Variants in NEK10 observed in about 807,000 individuals in gnomAD.
NEK10 encodes NIMA related kinase 10.
Under a neutral mutation model 159.8 loss-of-function variants are expected in NEK10, and 122 were observed. The observed-to-expected ratio is 0.76, with a 90% CI of 0.66 to 0.89. The LOEUF (loss-of-function observed/expected upper bound fraction) is 0.89, where lower values mean the gene tolerates loss of function less well. Among genes scored for constraint, NEK10 ranks in the 40% least tolerant of loss-of-function variants. NEK10 has a pLI of 0.00. For missense variants in NEK10, 1,342 were observed against 1,323.1 expected (o/e 1.01, Z -0.22); for synonymous variants, 466 against 457.1 (o/e 1.02, Z -0.25).
intron 25 of NEK10, among the ~76,000 whole-genome samples, chr3:27,195,193 G>C (rs945854832): frequency 3.3e-5 from 5 of 152,276 alleles, no homozygotes; most frequent in Admixed American, 3.3e-4. Context: ...TCTGTCAAGA[G>C]CTGTCTTCTA....
intron 26 of NEK10, among the ~76,000 whole-genome samples, chr3:27,185,749 T>C (rs1253829753): frequency 6.6e-6 from 1 of 152,174 alleles, no homozygotes; most frequent in Non-Finnish European, 1.5e-5. Context: ...AAACAACAAT[T>C]ATACCACCCC....
At chr3:27,244,539 C>A (rs1954871321) in intron 23 of NEK10, among the ~76,000 whole-genome samples, 1 of 152,148 alleles carries the variant, frequency 6.6e-6, no homozygotes, top group Admixed American at 6.5e-5. Flanking sequence ...GAAGAGGTTT[C>A]CTGCAATTTC....
chr3:27,223,263 C>T (rs776072151), intron 23 of NEK10, among the ~76,000 whole-genome samples: 3 of 152,136 alleles, frequency 2.0e-5, no homozygotes, highest in Non-Finnish European at 4.4e-5. Flanking sequence ...AAACAAGGAT[C>T]GTCAAGTCTC....
In NEK10 at chr3:27,312,181, C is replaced by A; in HGVS notation, c.490-4G>T. ...CATTGGCTACAATCTCCATATACTGCATGAAGGACCAAACCAACAAGCCAG... is the reference window on the plus strand; with the variant it reads ...CATTGGCTACAATCTCCATATACTGAATGAAGGACCAAACCAACAAGCCAG... On this transcript the variant is annotated splice_region_variant and splice_polypyrimidine_tract_variant and intron_variant, in intron 7 of 35. Transcript: ENST00000691995. 6.3e-7 allele frequency: 1 copy of A among 1,581,536 alleles called. No homozygotes were observed.
chr3:27,174,730 G>T lies in NEK10; in HGVS notation c.2609C>A (p.Ala870Asp). The change falls in exon 27 of 36, where the codon GCC (alanine) becomes GAC (aspartate). Residue 870 changes from alanine (A) to aspartate (D), a missense_variant. By Grantham distance (126) the Ala-to-Asp change is moderately radical. Transcript: ENST00000691995. ...SADLPPEGFQASYGKDEDRAC... is the reference protein window; with the variant it reads ...SADLPPEGFQDSYGKDEDRAC... ...CCTGTCTTCGTCTTTACCATAGGAG[G>T]CCTGGAAGCCTTCAGGGGGCAGGTC... is the stretch of plus-strand genomic sequence containing the variant. 9 of 1,613,678 alleles carry T rather than the reference G, an allele frequency of 5.6e-6. No individual in the cohort carries two copies. The highest frequency in any genetic ancestry group is 7.6e-6 in the Non-Finnish European group (9 of 1,179,814).
intron 30 of NEK10, among the ~76,000 whole-genome samples, chr3:27,144,261 C>T (rs918656321): frequency 6.6e-6 from 1 of 152,200 alleles, no homozygotes; most frequent in African/African-American, 2.4e-5. Context: ...AGCCCATTCT[C>T]TGTAACCGCT....
Position 27,322,258 on chromosome 3 carries a change from C to G in NEK10, c.366G>C (p.Glu122Asp). The G allele has an allele frequency of 6.5e-7, 1 of 1,533,698 alleles. No individual in the cohort carries two copies. The highest frequency in any genetic ancestry group is 8.9e-7 in the Non-Finnish European group (1 of 1,128,072). ...GAATAGATGGGGCTCGATTAACCCACTCTCTGAAAGAAGAAAACAAGAGAA... is the reference window on the plus strand; with the variant it reads ...GAATAGATGGGGCTCGATTAACCCAGTCTCTGAAAGAAGAAAACAAGAGAA... ...ALVKNRLISREWVNRAPSIHF... is the reference protein window; with the variant it reads ...ALVKNRLISRDWVNRAPSIHF... Residue 122 changes from glutamate to aspartate, a missense_variant, in exon 6 of 36, where the codon GAG becomes GAC. Transcript: ENST00000691995.
intron 23 of NEK10, among the ~76,000 whole-genome samples, chr3:27,218,818 A>G (rs1951809667): frequency 6.6e-6 from 1 of 152,166 alleles, no homozygotes; most frequent in Non-Finnish European, 1.5e-5. Flanking sequence ...TCGTGATAAA[A>G]GCACTCAGCT....
chr3:27,368,551 T>A (rs2049274203), intron 1 of NEK10, among the ~76,000 whole-genome samples: 1 of 151,594 alleles, frequency 6.6e-6, no homozygotes, highest in Admixed American at 6.6e-5. Flanking sequence ...GAAGCAGCAG[T>A]AAGTGTCATG....
chr3:27,359,775 T>C (rs988384012), intron 1 of NEK10, among the ~76,000 whole-genome samples: 1 of 152,238 alleles, frequency 6.6e-6, no homozygotes, highest in Non-Finnish European at 1.5e-5. Flanking sequence ...GCAGTTTCTA[T>C]GTTACGTCTA....
intron 5 of NEK10, among the ~76,000 whole-genome samples, chr3:27,332,610 C>A (rs1352944): frequency 0.37 from 55,629 of 152,126 alleles, 12,506 homozygotes; most frequent in East Asian, 0.74. Context: ...TTCACAAATA[C>A]ATAATATTTG....
intron 5 of NEK10, among the ~76,000 whole-genome samples, chr3:27,339,453 C>T (rs1239758282): frequency 1.3e-5 from 2 of 152,134 alleles, no homozygotes; most frequent in African/African-American, 2.4e-5. Flanking sequence ...AAAAGGAGCT[C>T]ATCATCACTG....
At chr3:27,279,525 G>GATAAGAGAC (rs1289010872) in intron 22 of NEK10, among the ~76,000 whole-genome samples, 1 of 152,046 alleles carries the variant, frequency 6.6e-6, no homozygotes, top group Non-Finnish European at 1.5e-5. Context: ...CCCTCTTAAA[G>GATAAGAGAC]ATAAGAGACT....
intron 5 of NEK10, among the ~76,000 whole-genome samples, chr3:27,330,385 T>A (rs2046314191): frequency 6.6e-6 from 1 of 152,150 alleles, no homozygotes; most frequent in South Asian, 2.1e-4. Flanking sequence ...CAAATTTCAT[T>A]CTCAAACAAT....
chr3:27,150,589 T>G (rs1944733365), intron 30 of NEK10, among the ~76,000 whole-genome samples: 1 of 152,210 alleles, frequency 6.6e-6, no homozygotes, highest in Non-Finnish European at 1.5e-5. Flanking sequence ...AAATAAAGAT[T>G]CCTATCAAAA....
At chr3:27,177,631 G>T (rs1947655803) in intron 26 of NEK10, among the ~76,000 whole-genome samples, 1 of 151,968 alleles carries the variant, frequency 6.6e-6, no homozygotes, top group South Asian at 2.1e-4. Flanking sequence ...TTTTGACCTT[G>T]CCATAAACCA....
chr3:27,137,251 GA>G (rs1231948207), intron 31 of NEK10, among the ~76,000 whole-genome samples: 1 of 152,084 alleles, frequency 6.6e-6, no homozygotes, highest in Non-Finnish European at 1.5e-5. Flanking sequence ...CAAAAAAAAT[GA>G]AATCATTTGT....
chr3:27,289,100 G>A (rs2042818023), intron 19 of NEK10, among the ~76,000 whole-genome samples: 1 of 152,192 alleles, frequency 6.6e-6, no homozygotes, highest in African/African-American at 2.4e-5. Flanking sequence ...GGCTATGGCA[G>A]TTTCAACCAC....
At chr3:27,191,294 C>T (rs995966184) in intron 26 of NEK10, among the ~76,000 whole-genome samples, 5 of 147,006 alleles carry the variant, frequency 3.4e-5, no homozygotes, top group South Asian at 2.1e-4. Flanking sequence ...ACCCCCAGAA[C>T]AGGAAAAAAA....
Sources: allele counts gnomAD v4.1 joint callset (sites outside exome capture counted in the v4.1 genomes callset), GRCh38; gene constraint gnomAD v4.1.1; transcripts MANE v1.5; gene names NCBI Gene and HGNC (gene_info 2026-07-23, HGNC 2026-07-21).